Variants in GSK3B observed in about 807,000 individuals in gnomAD.
The protein encoded by GSK3B is glycogen synthase kinase-3 beta.
A neutral mutation model predicts 56.4 loss-of-function variants in GSK3B; 15 were observed. The ratio of observed to expected loss-of-function variants is 0.27; its 90% CI spans 0.18 to 0.41. GSK3B has a LOEUF of 0.41. Among genes scored for constraint, GSK3B ranks in the 10% least tolerant of loss-of-function variants. GSK3B has a pLI of 1.00. For missense variants in GSK3B, 300 were observed against 513.4 expected, an observed-to-expected ratio of 0.58 and a Z score of 4.02; for synonymous variants, 181 against 188.9, an observed-to-expected ratio of 0.96 and a Z score of 0.34.
intron 2 of GSK3B, among the ~76,000 whole-genome samples, chr3:119,972,971 T>G (rs2107517216): frequency 6.6e-6 from 1 of 152,322 alleles, no homozygotes; most frequent in African/African-American, 2.4e-5. Flanking sequence ...TTGTCTGTGG[T>G]ATAATTTAGA....
At chr3:119,951,196 G>A (rs531593885) in intron 2 of GSK3B, among the ~76,000 whole-genome samples, 4 of 152,272 alleles carry the variant, frequency 2.6e-5, no homozygotes, top group South Asian at 4.1e-4. Context: ...ACAGAGCCCC[G>A]GAGAAAGTAA....
intron 3 of GSK3B, among the ~76,000 whole-genome samples, chr3:119,945,284 A>G (rs2057088753): frequency 6.6e-6 from 1 of 152,204 alleles, no homozygotes; most frequent in Non-Finnish European, 1.5e-5. Context: ...CTATCCCAAA[A>G]TTAGGAGGTA....
intron 1 of GSK3B, among the ~76,000 whole-genome samples, chr3:120,062,786 C>T (rs534709748): frequency 1.3e-5 from 2 of 152,264 alleles, no homozygotes; most frequent in East Asian, 3.9e-4. Context: ...TCTGGATTTA[C>T]TTTTAGTATT....
intron 8 of GSK3B, among the ~76,000 whole-genome samples, chr3:119,863,981 G>GT (rs1412796365): frequency 1.3e-5 from 2 of 152,076 alleles, no homozygotes; most frequent in South Asian, 2.1e-4. Flanking sequence ...CTTTTGCATT[G>GT]TTTTTTTAGC....
intron 7 of GSK3B, among the ~76,000 whole-genome samples, chr3:119,883,887 G>C (rs2056405930): frequency 1.3e-5 from 2 of 152,100 alleles, no homozygotes; most frequent in South Asian, 2.1e-4. Context: ...GAGTAGATCA[G>C]AAGAGAAAAT....
At chr3:119,972,883 T>C (rs1021900035) in intron 2 of GSK3B, among the ~76,000 whole-genome samples, 5 of 152,210 alleles carry the variant, frequency 3.3e-5, no homozygotes, top group Non-Finnish European at 7.3e-5. Flanking sequence ...AACAGTTCTA[T>C]AGAAGTTAAA....
intron 1 of GSK3B, chr3:120,029,845 A>C (rs1053832290): frequency 1.1e-5 from 6 of 551,256 alleles, no homozygotes; most frequent in African/African-American, 1.9e-5. Flanking sequence ...AATGGCCCCC[A>C]AAAAAGGAGG....
rs956876686 is a variant in GSK3B, at chr3:119,871,130, A to C, written c.909+5283T>G. On this transcript the variant is annotated intron_variant, in intron 8 of 10. Transcript: ENST00000264235. Reference sequence around the variant, plus strand: ...ATGGACAAAGTCTTAAAAAGAAATAAGTACAGTGGGGCTTTTTGGTTCAGC... The same window carrying C: ...ATGGACAAAGTCTTAAAAAGAAATACGTACAGTGGGGCTTTTTGGTTCAGC... 2.6e-5 allele frequency among the ~76,000 whole-genome samples: 4 copies of C among 152,322 alleles called. No homozygotes were observed. The South Asian group carries it at 6.2e-4, about 24-fold the overall frequency.
chr3:120,076,632 G>A (rs1045667329), intron 1 of GSK3B, among the ~76,000 whole-genome samples: 3 of 151,640 alleles, frequency 2.0e-5, no homozygotes, highest in Admixed American at 6.6e-5. Flanking sequence ...TGGCTAACAC[G>A]GTGAAACCCC....
At chr3:120,064,830 C>T (rs529611960) in intron 1 of GSK3B, among the ~76,000 whole-genome samples, 82 of 152,242 alleles carry the variant, frequency 5.4e-4, no homozygotes, top group African/African-American at 1.9e-3. Context: ...AAGAACTGTG[C>T]ATCCAAAAAT....
intron 3 of GSK3B, among the ~76,000 whole-genome samples, chr3:119,935,518 T>G (rs570922763): frequency 6.6e-6 from 1 of 152,088 alleles, no homozygotes; most frequent in Non-Finnish European, 1.5e-5. Context: ...TCCACTACAA[T>G]CCCCACTACC....
chr3:119,899,347 C>A (rs974460033), intron 7 of GSK3B, among the ~76,000 whole-genome samples: 1 of 152,018 alleles, frequency 6.6e-6, no homozygotes, highest in Non-Finnish European at 1.5e-5. Context: ...GAAAGTGATA[C>A]CTGTGGATAT....
intron 1 of GSK3B, among the ~76,000 whole-genome samples, chr3:120,084,390 G>A (rs1405442939): frequency 2.6e-5 from 4 of 152,130 alleles, no homozygotes; most frequent in African/African-American, 9.7e-5. Context: ...AAAACTACTA[G>A]AGGAAACAGC....
chr3:119,870,496 A>G (rs1378002238), intron 8 of GSK3B, among the ~76,000 whole-genome samples: 2 of 152,212 alleles, frequency 1.3e-5, no homozygotes, highest in African/African-American at 4.8e-5. Context: ...CAATCTGAAA[A>G]TTATGTCTTA....
chr3:119,892,259 C>T (rs1341629806), intron 7 of GSK3B, among the ~76,000 whole-genome samples: 4 of 152,078 alleles, frequency 2.6e-5, no homozygotes, highest in Admixed American at 6.5e-5. Flanking sequence ...CTAATGTGAT[C>T]TGGCCACTGT....
chr3:119,831,428 T>C (rs898881637), intron 10 of GSK3B, among the ~76,000 whole-genome samples: 48 of 151,862 alleles, frequency 3.2e-4, no homozygotes, highest in Non-Finnish European at 4.7e-4. Context: ...GAGGCCGAGG[T>C]GGGCGGATCA....
chr3:120,063,027 G>A (rs1356994136), intron 1 of GSK3B, among the ~76,000 whole-genome samples: 8 of 152,100 alleles, frequency 5.3e-5, no homozygotes, highest in Non-Finnish European at 2.9e-5. Flanking sequence ...TTATATTCAG[G>A]ACTCTTTTCT....
At chr3:119,949,284 T>C (rs1452486774) in intron 2 of GSK3B, among the ~76,000 whole-genome samples, 4 of 152,222 alleles carry the variant, frequency 2.6e-5, no homozygotes, top group Non-Finnish European at 4.4e-5. Context: ...CTACATTTAC[T>C]CTTCCTATTG....
At chr3:120,008,056 G>A (rs1235261906) in intron 1 of GSK3B, among the ~76,000 whole-genome samples, 1 of 152,168 alleles carries the variant, frequency 6.6e-6, no homozygotes. Flanking sequence ...CAAAATCAAT[G>A]TGCAAAAATC....
Sources: gnomAD v4.1 joint callset for allele counts (sites outside exome capture counted in the v4.1 genomes callset) on GRCh38, gnomAD v4.1.1 for gene constraint, MANE v1.5 for transcripts, NCBI Gene and HGNC (gene_info 2026-07-23, HGNC 2026-07-21) for gene names.